Variants in FRMD4A observed in about 807,000 individuals in gnomAD.
The protein encoded by FRMD4A is FERM domain-containing protein 4A.
FRMD4A carries 29 observed loss-of-function variants against 129.1 expected under a neutral mutation model. The ratio of observed to expected loss-of-function variants is 0.22; its 90% CI spans 0.17 to 0.31. FRMD4A has a LOEUF of 0.31. Among genes scored for constraint, FRMD4A ranks in the 10% least tolerant of loss-of-function variants. The pLI, the probability that FRMD4A is intolerant of heterozygous loss-of-function variation, is 1.00. For missense variants in FRMD4A, 1,272 were observed against 1,375.8 expected (o/e 0.92, Z 1.19); for synonymous variants, 634 against 571.6 (o/e 1.11, Z -1.56).
At chr10:14,196,763 A>T (rs750114344) in intron 2 of FRMD4A, among the ~76,000 whole-genome samples, 2 of 152,320 alleles carry the variant, frequency 1.3e-5, no homozygotes, top group Non-Finnish European at 2.9e-5. Flanking sequence ...TATTATTGGG[A>T]TTACCAGTGT....
At chr10:14,316,479 T>C (rs1203992559) in intron 2 of FRMD4A, among the ~76,000 whole-genome samples, 1 of 135,856 alleles carries the variant, frequency 7.4e-6, no homozygotes, top group African/African-American at 2.8e-5. Context: ...ATTATAAATT[T>C]CCCAGTCTCT....
chr10:14,075,024 G>C (rs1026857861), intron 2 of FRMD4A, among the ~76,000 whole-genome samples: 1 of 142,268 alleles, frequency 7.0e-6, no homozygotes. Context: ...AAAGAAAGAT[G>C]TCCTTATGAA....
intron 2 of FRMD4A, among the ~76,000 whole-genome samples, chr10:14,194,339 A>G (rs1170106398): frequency 6.6e-6 from 1 of 152,172 alleles, no homozygotes; most frequent in African/African-American, 2.4e-5. Context: ...GGCCGGGTGC[A>G]GTGGTTCAGG....
At chr10:14,298,294 T>A (rs74533444) in intron 2 of FRMD4A, among the ~76,000 whole-genome samples, 61 of 152,242 alleles carry the variant, frequency 4.0e-4, no homozygotes, top group African/African-American at 1.4e-3. Flanking sequence ...AGGGAAGATA[T>A]AAGAAAAATC....
intron 13 of FRMD4A, among the ~76,000 whole-genome samples, chr10:13,702,991 C>G (rs1236762749): frequency 2.0e-5 from 3 of 151,008 alleles, no homozygotes; most frequent in East Asian, 3.9e-4. Context: ...AGGGAGAGAG[C>G]GAGGGGGAGA....
At chr10:13,848,913 G>GT (rs978832509) in intron 3 of FRMD4A, among the ~76,000 whole-genome samples, 6 of 152,138 alleles carry the variant, frequency 3.9e-5, no homozygotes, top group African/African-American at 1.4e-4. Flanking sequence ...CACTCAATGC[G>GT]TTTTTTATTA....
intron 2 of FRMD4A, among the ~76,000 whole-genome samples, chr10:14,035,837 A>G (rs560137150): frequency 6.6e-6 from 1 of 152,274 alleles, no homozygotes; most frequent in African/African-American, 2.4e-5. Flanking sequence ...AGAATCCTCC[A>G]CCTTCCTTTC....
intron 2 of FRMD4A, among the ~76,000 whole-genome samples, chr10:14,067,982 G>T (rs1835143287): frequency 6.6e-6 from 1 of 152,162 alleles, no homozygotes; most frequent in African/African-American, 2.4e-5. Context: ...ACTAGCACTG[G>T]ATAAGTCTTC....
intron 8 of FRMD4A, among the ~76,000 whole-genome samples, chr10:13,757,647 CG>C (rs1008371196): frequency 1.3e-5 from 2 of 152,200 alleles, no homozygotes; most frequent in African/African-American, 4.8e-5. Context: ...AAAGAAGAAA[CG>C]GAAGAGCAAG....
intron 2 of FRMD4A, among the ~76,000 whole-genome samples, chr10:14,220,040 G>A (rs1379006366): frequency 6.6e-6 from 1 of 152,142 alleles, no homozygotes; most frequent in Non-Finnish European, 1.5e-5. Flanking sequence ...TCATGCCAGG[G>A]TGTCTACTGT....
intron 2 of FRMD4A, among the ~76,000 whole-genome samples, chr10:14,276,689 C>T (rs867798416): frequency 3.3e-5 from 5 of 152,156 alleles, no homozygotes; most frequent in Non-Finnish European, 5.9e-5. Flanking sequence ...AGAGGATCCT[C>T]GCATCTCCAG....
At chr10:13,766,934 G>A (rs796538807) in intron 6 of FRMD4A, among the ~76,000 whole-genome samples, 13 of 152,244 alleles carry the variant, frequency 8.5e-5, no homozygotes, top group African/African-American at 2.9e-4. Context: ...TTAGTTGGGC[G>A]TGGTGGTGCA....
At chr10:14,194,944 G>A (rs1842431353) in intron 2 of FRMD4A, among the ~76,000 whole-genome samples, 1 of 152,082 alleles carries the variant, frequency 6.6e-6, no homozygotes, top group Non-Finnish European at 1.5e-5. Flanking sequence ...TTGAAATCAT[G>A]AACTATATCC....
At chr10:14,162,593 C>T (rs1257651416) in intron 2 of FRMD4A, among the ~76,000 whole-genome samples, 1 of 149,916 alleles carries the variant, frequency 6.7e-6, no homozygotes, top group Non-Finnish European at 1.5e-5. Flanking sequence ...ACCCCACTCT[C>T]ATCCCAGCCA....
At chr10:14,098,869 G>C (rs939367262) in intron 2 of FRMD4A, among the ~76,000 whole-genome samples, 3 of 152,154 alleles carry the variant, frequency 2.0e-5, no homozygotes, top group African/African-American at 7.2e-5. Context: ...CATAGCGGGC[G>C]TGCATATGAA....
chr10:14,268,022 C>T (rs1430196776), intron 2 of FRMD4A, among the ~76,000 whole-genome samples: 1 of 152,076 alleles, frequency 6.6e-6, no homozygotes, highest in East Asian at 1.9e-4. Flanking sequence ...AATACGCCAC[C>T]TATTTCATGA....
In FRMD4A at chr10:14,038,766, C is replaced by G. The variant is rs546245160; in HGVS notation, c.46-179854G>C. ...AGTAAGGCTGAAGGTTCCCCGGTGA[C>G]TTTAGTGAGCTAAAACTTGTTACCC... On this transcript the variant is annotated intron_variant, in intron 2 of 24. Transcript: ENST00000357447. Among the ~76,000 whole-genome samples the G allele has an allele frequency of 5.9e-5, 9 of 152,334 alleles. 1 individual carries two copies. The highest frequency in any genetic ancestry group is 2.2e-4 in the African/African-American group (9 of 41,564).
intron 3 of FRMD4A, among the ~76,000 whole-genome samples, chr10:13,848,787 T>G (rs563488624): frequency 6.6e-6 from 1 of 152,270 alleles, no homozygotes; most frequent in African/African-American, 2.4e-5. Context: ...TACAAAGGCC[T>G]TGGCTGAAGA....
At chr10:14,129,371 CATATATATATATAT>C (rs3033977) in intron 2 of FRMD4A, among the ~76,000 whole-genome samples, 3 of 46,202 alleles carry the variant, frequency 6.5e-5, no homozygotes, top group East Asian at 8.1e-4. Flanking sequence ...AATTATGATT[CATATATATATATAT>C]ATATATATAT....
Sources: gnomAD v4.1 joint callset for allele counts (sites outside exome capture counted in the v4.1 genomes callset) on GRCh38, gnomAD v4.1.1 for gene constraint, MANE v1.5 for transcripts, NCBI Gene and HGNC (gene_info 2026-07-23, HGNC 2026-07-21) for gene names.